Variants in XDH observed in about 807,000 individuals in gnomAD.
XDH encodes the protein xanthine dehydrogenase/oxidase.
XDH carries 138 observed loss-of-function variants against 156.1 expected under a neutral mutation model. The observed-to-expected ratio is 0.88, with a 90% confidence interval of 0.77 to 1.02. The LOEUF (loss-of-function observed/expected upper bound fraction) is 1.02, where lower values mean the gene tolerates loss of function less well. Ranked by LOEUF, XDH falls within the 50% of genes least tolerant of loss-of-function variation. XDH has a pLI of 0.00. For synonymous variants in XDH, 669 were observed against 625.7 expected, an observed-to-expected ratio of 1.07 and a Z score of -1.03; for missense variants, 1,849 against 1,684.9, an observed-to-expected ratio of 1.10 and a Z score of -1.71.
chr2:31,401,403 G>A, intron 3 of XDH, 75 bp from the exon 4 acceptor site: 1 of 1,513,264 alleles, frequency 6.6e-7, no homozygotes, highest in African/African-American at 1.4e-5. Flanking sequence ...GTGAGCTCTG[G>A]AGGACTTTGT....
At chr2:31,375,681 G>A in intron 14 of XDH, 127 bp from the exon 15 acceptor site, 1 of 1,056,972 alleles carries the variant, frequency 9.5e-7, no homozygotes, top group Non-Finnish European at 1.4e-6. Context: ...GATACTTAGA[G>A]TTGGGTGACT....
chr2:31,339,773 C>T lies in XDH; in HGVS notation c.3586-96G>A, dbSNP rs75978221. On this transcript the variant is annotated intron_variant, in intron 33 of 35. Coordinates refer to ENST00000379416, the MANE Select transcript of XDH (RefSeq NM_000379.4). ...TGGACACAAAGCGCCAACTGCAGCG[C>T]GGCCTGGAATGTAGCTAAAACTGCC... is the stretch of plus-strand genomic sequence containing the variant. 6,161 of 1,502,346 alleles carry T rather than the reference C, an allele frequency of 4.1e-3. 30 individuals are homozygous for T. The highest frequency in any genetic ancestry group is 0.015 in the East Asian group (612 of 41,738). 93.1% of individuals were successfully genotyped at this position (1,502,346 alleles called of 1,614,324 possible).
At chr2:31,405,817 C>A (rs979558453) in intron 2 of XDH, 90 bp downstream of exon 2, 15 of 1,498,880 alleles carry the variant, frequency 1.0e-5, no homozygotes, top group East Asian at 2.3e-5. Context: ...TCAAGGCCAC[C>A]CCACCAGTCA....
chr2:31,352,584 C>G (rs1244948650), intron 24 of XDH, among the ~76,000 whole-genome samples: 1 of 152,202 alleles, frequency 6.6e-6, no homozygotes, highest in African/African-American at 2.4e-5. Context: ...GAAACAATGT[C>G]ATAGCCTTCC....
chr2:31,413,490 A>G (rs966771676), intron 1 of XDH, among the ~76,000 whole-genome samples: 1 of 152,194 alleles, frequency 6.6e-6, no homozygotes, highest in Admixed American at 6.5e-5. Context: ...GAGTCCATCA[A>G]TCTTTGGAGC....
intron 17 of XDH, among the ~76,000 whole-genome samples, chr2:31,370,986 C>T (rs1421281452): frequency 6.6e-6 from 1 of 152,182 alleles, no homozygotes; most frequent in Non-Finnish European, 1.5e-5. Context: ...CACCTAACTC[C>T]CTCCCAAAAT....
intron 23 of XDH, 37 bp downstream of exon 23, chr2:31,365,420 G>T (rs1476711269): frequency 1.9e-6 from 3 of 1,609,928 alleles, no homozygotes; most frequent in Non-Finnish European, 1.7e-6. Flanking sequence ...TCACAAAATG[G>T]CTCATCCCGC....
intron 24 of XDH, among the ~76,000 whole-genome samples, chr2:31,355,574 G>A (rs1357220720): frequency 1.3e-5 from 2 of 152,040 alleles, no homozygotes; most frequent in African/African-American, 4.8e-5. Flanking sequence ...AGTAGGCTGT[G>A]ATAAGTTGTG....
chr2:31,375,068 C>T (rs1686207239), intron 15 of XDH, among the ~76,000 whole-genome samples: 1 of 138,702 alleles, frequency 7.2e-6, no homozygotes, highest in Admixed American at 7.3e-5. Context: ...TCTTGTAGCC[C>T]AGGCTAGAGT....
At chr2:31,352,816 G>T (rs1425396558) in intron 24 of XDH, among the ~76,000 whole-genome samples, 1 of 151,828 alleles carries the variant, frequency 6.6e-6, no homozygotes, top group Non-Finnish European at 1.5e-5. Context: ...CAATTAGGCA[G>T]CCCCTAGCAG....
intron 24 of XDH, among the ~76,000 whole-genome samples, chr2:31,354,033 A>G (rs2148759383): frequency 6.6e-6 from 1 of 152,284 alleles, no homozygotes; most frequent in East Asian, 1.9e-4. Flanking sequence ...TGTCAGAAAA[A>G]GTCTAGTGAA....
Position 31,379,881 on chromosome 2 carries a change from G to A in XDH, c.1228C>T (p.Pro410Ser). ...CAACATCTCACCTCCCTGCTGTAGG[G>A]GATCTCTATGGAGAGCAGTATCTCC... The part of the protein sequence containing the change: ...PEEILLSIEI[P>S]YSREGEYFSA... The change falls in exon 13 of 36, where the codon CCC (proline) becomes TCC (serine). Residue 410 changes from proline to serine, a missense_variant. Transcript: ENST00000379416. The A allele has an allele frequency of 1.9e-6, 3 of 1,614,130 alleles. No individual in the cohort carries two copies. Among genetic ancestry groups the A allele is most frequent in the Non-Finnish European group, 2.5e-6 (3 of 1,180,002 alleles).
At chr2:31,361,285 A>G (rs187459141) in intron 24 of XDH, among the ~76,000 whole-genome samples, 1 of 152,344 alleles carries the variant, frequency 6.6e-6, no homozygotes, top group African/African-American at 2.4e-5. Flanking sequence ...GTTTCTCAAA[A>G]CTGTTCTATC....
Position 31,347,599 on chromosome 2 carries a change from T to C in XDH, c.3199A>G (p.Thr1067Ala). The C allele has an allele frequency of 6.2e-7, 1 of 1,614,134 alleles. No individual in the cohort carries two copies. The highest frequency in any genetic ancestry group is 2.2e-5 in the East Asian group (1 of 44,864). ...GTGTTGGGCACAGTGTTAGTGCTTG[T>C]CTCGCTGATATAAATCTTAGAGGTG... ...IPTSKIYISE[T>A]STNTVPNTSP... The change falls in exon 29 of 36, where the codon ACA becomes GCA. Residue 1067 changes from threonine (T) to alanine (A), a missense_variant. By Grantham distance (58) the Thr-to-Ala change is moderately conservative. Coordinates refer to ENST00000379416, the MANE Select transcript of XDH (RefSeq NM_000379.4).
intron 12 of XDH, among the ~76,000 whole-genome samples, chr2:31,380,471 T>C (rs951257251): frequency 3.9e-5 from 6 of 152,250 alleles, no homozygotes; most frequent in African/African-American, 1.4e-4. Context: ...GCTTTCCTTC[T>C]GGGAGTCCAG....
At chr2:31,378,963 A>G (rs1426449916) in intron 13 of XDH, among the ~76,000 whole-genome samples, 1 of 152,186 alleles carries the variant, frequency 6.6e-6, no homozygotes, top group African/African-American at 2.4e-5. Context: ...TCAGGGATAT[A>G]AATGCTCTAA....
At chr2:31,390,383 A>G (rs206849) in intron 6 of XDH, among the ~76,000 whole-genome samples, 97,793 of 152,116 alleles carry the variant, frequency 0.64, 32,146 homozygotes, top group African/African-American at 0.77. Flanking sequence ...ACATTCCATT[A>G]TTTGGATGTT....
intron 13 of XDH, among the ~76,000 whole-genome samples, chr2:31,378,536 C>G (rs899265461): frequency 6.6e-6 from 1 of 152,152 alleles, no homozygotes; most frequent in African/African-American, 2.4e-5. Context: ...ATGGAGCCCG[C>G]TCCTGATGAT....
At chr2:31,407,417 G>A (rs1687223090) in intron 1 of XDH, among the ~76,000 whole-genome samples, 1 of 152,142 alleles carries the variant, frequency 6.6e-6, no homozygotes, top group Non-Finnish European at 1.5e-5. Context: ...TGGCTTGGAG[G>A]TCTTTAAATC....
Sources: allele counts gnomAD v4.1 joint callset (sites outside exome capture counted in the v4.1 genomes callset), GRCh38; gene constraint gnomAD v4.1.1; transcripts MANE v1.5; gene names NCBI Gene and HGNC (gene_info 2026-07-23, HGNC 2026-07-21).